Variants in RALYL observed in about 807,000 individuals in gnomAD.
RALYL encodes the protein RALY RNA binding protein like.
A neutral mutation model predicts 35.1 loss-of-function variants in RALYL; 29 were observed. The observed-to-expected ratio is 0.83, with a 90% CI of 0.61 to 1.13. RALYL has a LOEUF of 1.13. RALYL is among the 50% of genes most tolerant of loss of function. The probability of loss-of-function intolerance (pLI) is 0.00; values close to 1 mark genes in which losing one functional copy is unlikely to be tolerated. For synonymous variants in RALYL, 120 were observed against 127.6 expected, an observed-to-expected ratio of 0.94 and a Z score of 0.40; for missense variants, 359 against 360.4, an observed-to-expected ratio of 1.00 and a Z score of 0.03.
intron 1 of RALYL, among the ~76,000 whole-genome samples, chr8:84,426,402 C>T (rs1244794838): frequency 1.3e-5 from 2 of 150,478 alleles, no homozygotes; most frequent in Non-Finnish European, 3.0e-5. Context: ...TGCCTCCTGC[C>T]CCTTGTAACT....
intron 1 of RALYL, among the ~76,000 whole-genome samples, chr8:84,256,393 A>G (rs890251870): frequency 3.3e-5 from 5 of 152,118 alleles, no homozygotes; most frequent in African/African-American, 9.7e-5. Flanking sequence ...TTGTGTTCTT[A>G]TATCGAATAG....
At chr8:84,808,803 G>A (rs1272796478) in intron 4 of RALYL, among the ~76,000 whole-genome samples, 1 of 151,976 alleles carries the variant, frequency 6.6e-6, no homozygotes, top group Non-Finnish European at 1.5e-5. Flanking sequence ...TTGATTCTTA[G>A]CTTGGTCACT....
At chr8:84,612,183 A>T (rs536828954) in intron 2 of RALYL, among the ~76,000 whole-genome samples, 16 of 152,044 alleles carry the variant, frequency 1.1e-4, no homozygotes, top group African/African-American at 3.9e-4. Context: ...AGTGAGATTT[A>T]TTTATTATTT....
chr8:84,621,078 C>T lies in RALYL; in HGVS notation c.256+91501C>T, dbSNP rs529821974. 3.6e-3 allele frequency among the ~76,000 whole-genome samples: 551 copies of T among 152,324 alleles called. 6 individuals carry two copies. Among genetic ancestry groups the T allele is most frequent in the African/African-American group, 0.013 (529 of 41,584 alleles). ...GCCCTGCCCCCAGAGGTGGAGCCTA[C>T]AGAGGCAGGCAGGCCTCCTTGAGCT... On this transcript the variant is annotated intron_variant, in intron 2 of 8. Coordinates refer to ENST00000521268, the MANE Select transcript of RALYL (RefSeq NM_173848.7).
chr8:84,881,454 C>A (rs1396042360), intron 7 of RALYL, among the ~76,000 whole-genome samples: 1 of 151,942 alleles, frequency 6.6e-6, no homozygotes, highest in Non-Finnish European at 1.5e-5. Context: ...AGCAATTAAG[C>A]CAGCATGTCA....
At chr8:84,421,029 G>A (rs968546364) in intron 1 of RALYL, among the ~76,000 whole-genome samples, 1 of 125,100 alleles carries the variant, frequency 8.0e-6, no homozygotes, top group African/African-American at 3.3e-5. Flanking sequence ...TGGCAATGCG[G>A]GCTCTTTTTT....
intron 7 of RALYL, among the ~76,000 whole-genome samples, chr8:84,885,767 G>A (rs1842840224): frequency 6.6e-6 from 1 of 152,056 alleles, no homozygotes; most frequent in Non-Finnish European, 1.5e-5. Flanking sequence ...CACAGCCTCA[G>A]CCCCATGAGT....
At chr8:84,598,584 C>G (rs1235349486) in intron 2 of RALYL, among the ~76,000 whole-genome samples, 1 of 152,076 alleles carries the variant, frequency 6.6e-6, no homozygotes, top group East Asian at 1.9e-4. Context: ...ATCATTGTCT[C>G]ACACTTAATA....
intron 1 of RALYL, among the ~76,000 whole-genome samples, chr8:84,361,740 C>T (rs1853087980): frequency 1.3e-5 from 2 of 152,002 alleles, no homozygotes; most frequent in Non-Finnish European, 2.9e-5. Context: ...AGAGCACCAT[C>T]TTTGAGAAAA....
intron 4 of RALYL, among the ~76,000 whole-genome samples, chr8:84,822,439 T>C (rs1828749166): frequency 6.6e-6 from 1 of 152,172 alleles, no homozygotes; most frequent in South Asian, 2.1e-4. Context: ...CTGCCCTTTC[T>C]GTGAAGAATA....
intron 1 of RALYL, among the ~76,000 whole-genome samples, chr8:84,349,025 C>T (rs1182000814): frequency 1.3e-5 from 2 of 150,158 alleles, no homozygotes; most frequent in Non-Finnish European, 3.0e-5. Flanking sequence ...TTTAGATTTG[C>T]TGCTTAAGGC....
intron 2 of RALYL, chr8:84,679,059 C>T: frequency 3.2e-6 from 1 of 308,980 alleles, no homozygotes; most frequent in Admixed American, 3.6e-5. Context: ...AGCAAATGCT[C>T]CAGGGTGAAC....
At chr8:84,683,927 C>G (rs760951597) in intron 2 of RALYL, among the ~76,000 whole-genome samples, 1 of 152,134 alleles carries the variant, frequency 6.6e-6, no homozygotes, top group Non-Finnish European at 1.5e-5. Context: ...CAGGAACTCT[C>G]GATCCCTCAG....
At chr8:84,741,869 T>A (rs1807430754) in intron 2 of RALYL, among the ~76,000 whole-genome samples, 1 of 152,026 alleles carries the variant, frequency 6.6e-6, no homozygotes, top group African/African-American at 2.4e-5. Context: ...TTTTCATTGT[T>A]AGTAGACTAA....
rs1395116027 is a variant in RALYL, at chr8:84,920,939, C to T, written c.*28C>T. 1.4e-6 allele frequency: 2 copies of T among 1,399,596 alleles called. No homozygotes were observed. The highest frequency in any genetic ancestry group is 2.7e-5 in the East Asian group (1 of 36,914). 86.7% of individuals were successfully genotyped at this position (1,399,596 alleles called of 1,614,324 possible). ...TGAAATAACGCATGATGCCACAAAG[C>T]AGAAAAGAGAAACTGTGACAACCCC... On this transcript the variant is annotated 3_prime_UTR_variant, in exon 9 of 9. Transcript: ENST00000521268.
chr8:84,290,435 T>G (rs1838546456), intron 1 of RALYL, among the ~76,000 whole-genome samples: 2 of 150,994 alleles, frequency 1.3e-5, no homozygotes, highest in African/African-American at 4.9e-5. Flanking sequence ...GGCCGTTTTA[T>G]AGGATTTGGG....
At chr8:84,242,869 C>T (rs1258176607) in intron 1 of RALYL, among the ~76,000 whole-genome samples, 4 of 152,098 alleles carry the variant, frequency 2.6e-5, no homozygotes, top group East Asian at 1.9e-4. Flanking sequence ...TCAATTTTTG[C>T]TCTTGTTACA....
At chr8:84,916,451 G>A (rs1051905355) in intron 8 of RALYL, among the ~76,000 whole-genome samples, 6 of 151,990 alleles carry the variant, frequency 3.9e-5, no homozygotes, top group South Asian at 2.1e-4. Flanking sequence ...AGGTAATTGC[G>A]TAATGGGGGC....
intron 1 of RALYL, among the ~76,000 whole-genome samples, chr8:84,219,220 G>T (rs1299839766): frequency 6.6e-6 from 1 of 152,068 alleles, no homozygotes; most frequent in Non-Finnish European, 1.5e-5. Flanking sequence ...AATGGATTAT[G>T]AGGCGGTTTT....
Sources: gnomAD v4.1 joint callset for allele counts (sites outside exome capture counted in the v4.1 genomes callset) on GRCh38, gnomAD v4.1.1 for gene constraint, MANE v1.5 for transcripts, NCBI Gene and HGNC (gene_info 2026-07-23, HGNC 2026-07-21) for gene names.